Variants in NCOR2 observed in about 807,000 individuals in gnomAD.
The protein encoded by NCOR2 is nuclear receptor corepressor 2.
Under a neutral mutation model 262.9 loss-of-function variants are expected in NCOR2, and 81 were observed. That is an observed-to-expected ratio of 0.31 (90% CI 0.26 to 0.37). The LOEUF is 0.37. Among genes scored for constraint, NCOR2 ranks in the 10% least tolerant of loss-of-function variants. The pLI is 1.00. For synonymous variants in NCOR2, 1,659 were observed against 1,559.3 expected (o/e 1.06, Z -1.51); for missense variants, 3,385 against 3,621.4 (o/e 0.93, Z 1.68).
rs932680959 is a variant in NCOR2 at position 124,337,028 on chromosome 12, C to T, written c.5840G>A (p.Arg1947Gln). 19 of 1,503,344 alleles carry T rather than the reference C, an allele frequency of 1.3e-5. No homozygotes were observed. In the Admixed American group the frequency reaches 1.4e-4, roughly 11 times the overall value. 93.1% of individuals were successfully genotyped at this position (1,503,344 alleles called of 1,614,324 possible). A position where few individuals can be genotyped will look rare whatever the true frequency, so the allele number is the denominator to read the frequency against. The change falls in exon 38 of 47, where the codon CGG (arginine) becomes CAG (glutamine). Residue 1947 changes from arginine to glutamine, a missense_variant. Transcript: ENST00000405201. Reference sequence around the variant, plus strand: ...GGCATGGCCGGTGTCTGCTCGGGGCCGCTCTGGCCGGGCGACCCGGGGGGC... The same window carrying T: ...GGCATGGCCGGTGTCTGCTCGGGGCTGCTCTGGCCGGGCGACCCGGGGGGC...
At chr12:124,346,504 C>T in intron 31 of NCOR2, 60 bp downstream of exon 33, 1 of 1,429,030 alleles carries the variant, frequency 7.0e-7, no homozygotes, top group Non-Finnish European at 9.2e-7. Context: ...CAGGGCAGTG[C>T]CCCACAGCCA....
At chr12:124,348,246 C>T in exon 29 of NCOR2, 1 of 1,613,262 alleles carries the variant, frequency 6.2e-7, no homozygotes, top group Non-Finnish European at 8.5e-7. Flanking sequence ...TTGGGGGCGG[C>T]CGTCTCATGG....
chr12:124,390,525 C>T (rs1259958857), intron 16 of NCOR2, among the ~76,000 whole-genome samples: 2 of 147,120 alleles, frequency 1.4e-5, no homozygotes, highest in Admixed American at 1.4e-4. Flanking sequence ...ATCTTCATAG[C>T]TTTCACCGCC....
At chr12:124,337,433 A>G (rs1245222304) in intron 37 of NCOR2, 1 of 681,122 alleles carries the variant, frequency 1.5e-6, no homozygotes, top group Non-Finnish European at 2.7e-6. Flanking sequence ...ACTGTTCTAG[A>G]CACTGTGAAT....
chr12:124,486,512 C>A (rs761806573), exon 2 of NCOR2: 2 of 1,607,160 alleles, frequency 1.2e-6, no homozygotes, highest in Non-Finnish European at 1.7e-6. Context: ...TGGAGCCGGG[C>A]GACAGGTGGG....
rs1447920903 is a variant in NCOR2 at position 124,483,954 on chromosome 12, C to T, written c.234-181G>A. On this transcript the variant is annotated intron_variant, in intron 2 of 46. Transcript: ENST00000405201. The surrounding 1 kb of genome is among the most constrained non-coding windows in gnomAD (Gnocchi z 6.3). ...ACAGCAGGGCAGGACTCCAATGCAG[C>T]GCTGCCTTCCTTCAGGTCCACATTC... 6.6e-6 allele frequency among the ~76,000 whole-genome samples: 1 copy of T among 152,186 alleles called. No homozygotes were observed. The highest frequency in any genetic ancestry group is 2.4e-5 in the African/African-American group (1 of 41,442).
At chr12:124,335,446 C>T in intron 39 of NCOR2, 37 bp downstream of exon 41, 8 of 1,588,522 alleles carry the variant, frequency 5.0e-6, no homozygotes, top group Non-Finnish European at 6.8e-6. Context: ...CCTCACTGTG[C>T]AGGGCTTCGG....
intron 20 of NCOR2, among the ~76,000 whole-genome samples, chr12:124,366,861 A>G (rs748454813): frequency 2.0e-5 from 3 of 152,104 alleles, no homozygotes; most frequent in Non-Finnish European, 2.9e-5. Flanking sequence ...TATATGAATG[A>G]TATCTTAATA....
chr12:124,556,586 G>A (rs1420746840), intron 1 of NCOR2, among the ~76,000 whole-genome samples: 2 of 152,204 alleles, frequency 1.3e-5, no homozygotes, highest in African/African-American at 2.4e-5. Context: ...CAGGCCAGGC[G>A]TGGTGGCTCA....
Position 124,411,657 on chromosome 12 carries a change from C to T in NCOR2, c.1482+8300G>A, listed in dbSNP as rs2042593409. On this transcript the variant is annotated intron_variant, in intron 13 of 46. Coordinates refer to ENST00000405201, the Ensembl canonical transcript of NCOR2. Reference sequence around the variant, plus strand: ...TCCTGGGCTCTGGTTTTGCAATTCACTAGGATAACGCGGCCCTTCCATCAA... The same window carrying T: ...TCCTGGGCTCTGGTTTTGCAATTCATTAGGATAACGCGGCCCTTCCATCAA... 2.0e-5 allele frequency among the ~76,000 whole-genome samples: 3 copies of T among 152,270 alleles called. No homozygotes were observed. In the South Asian group the frequency reaches 6.2e-4, roughly 31 times the overall value.
chr12:124,457,713 C>T lies in NCOR2; in HGVS notation c.706-551G>A, dbSNP rs1457825469. Among the ~76,000 whole-genome samples, 2 of 152,236 alleles carry T rather than the reference C, an allele frequency of 1.3e-5. No individual in the cohort carries two copies. Among genetic ancestry groups the T allele is most frequent in the Non-Finnish European group, 2.9e-5 (2 of 68,048 alleles). On this transcript the variant is annotated intron_variant, in intron 5 of 46. Transcript: ENST00000405201. This position sits in a 1 kb window ranked among gnomAD's most constrained non-coding sequence, Gnocchi z 4.0. The stretch of plus-strand genomic sequence containing the variant: ...CCCCGGGGCCTCCCCGCCTCCTCCC[C>T]ACTCACAACTGGGGACTTATTAGGA...
rs915985712 is a variant in NCOR2, at chr12:124,531,605, G to A, written c.-118+3960C>T. On this transcript the variant is annotated intron_variant, in intron 1 of 46. Coordinates refer to the NCOR2 transcript ENST00000404621. The surrounding 1 kb of genome is among the most constrained non-coding windows in gnomAD (Gnocchi z 4.5). The stretch of plus-strand genomic sequence containing the variant: ...GCTGGGAAGGAGAGAGAGGAGGATG[G>A]CAGAGAGGGAAGGGTGGTGGCGCAG... 6.6e-6 allele frequency among the ~76,000 whole-genome samples: 1 copy of A among 151,914 alleles called. No individual in the cohort carries two copies. Among genetic ancestry groups the A allele is most frequent in the African/African-American group, 2.4e-5 (1 of 41,360 alleles).
At chr12:124,421,943 C>T (rs144804107) in intron 12 of NCOR2, among the ~76,000 whole-genome samples, 20 of 152,350 alleles carry the variant, frequency 1.3e-4, no homozygotes, top group African/African-American at 4.1e-4. Context: ...GGCTTTAGGC[C>T]TCAGGTCCAC....
intron 28 of NCOR2, chr12:124,348,652 T>A (rs969418216): frequency 2.7e-6 from 1 of 369,034 alleles, no homozygotes; most frequent in East Asian, 4.7e-5. Flanking sequence ...CACCCACGGG[T>A]GCCGACATGG....
rs200911408 is a variant in NCOR2 at position 124,400,734 on chromosome 12, TGGA to T, written c.1641-64_1641-62del. ...CCGAGCCGGGAAATCAAACAGCCAC[TGGA>T]GGAGACTGTTTCTTTAGCTGGATTT... On this transcript the variant is annotated intron_variant, in intron 14 of 46. Transcript: ENST00000405201. 4.6e-3 allele frequency: 7,362 copies of T among 1,583,302 alleles called. 94 individuals carry two copies. Among genetic ancestry groups the T allele is most frequent in the African/African-American group, 0.039 (2,856 of 73,982 alleles).
intron 1 of NCOR2, among the ~76,000 whole-genome samples, chr12:124,501,060 G>A (rs142410763): frequency 3.1e-4 from 15 of 48,760 alleles, no homozygotes; most frequent in African/African-American, 4.7e-4. Flanking sequence ...GCGCGCACGC[G>A]CGCACACACA....
intron 8 of NCOR2, among the ~76,000 whole-genome samples, chr12:124,435,956 C>T (rs1445199929): frequency 1.3e-5 from 2 of 152,252 alleles, no homozygotes; most frequent in Non-Finnish European, 2.9e-5. Flanking sequence ...GGACTAAATG[C>T]CCTAATGTAT....
chr12:124,392,454 G>A (rs1459453924), intron 16 of NCOR2, among the ~76,000 whole-genome samples: 4 of 152,098 alleles, frequency 2.6e-5, no homozygotes, highest in African/African-American at 4.8e-5. Flanking sequence ...CGCGAGCCCC[G>A]AGGCACCGCA....
At chr12:124,393,272 G>A (rs982312243) in intron 16 of NCOR2, among the ~76,000 whole-genome samples, 9 of 152,116 alleles carry the variant, frequency 5.9e-5, no homozygotes, top group African/African-American at 1.7e-4. Context: ...GAGGGCAGGC[G>A]GCCAGCTCCC....
Sources: allele counts gnomAD v4.1 joint callset (sites outside exome capture counted in the v4.1 genomes callset), GRCh38; gene constraint gnomAD v4.1.1; non-coding constraint Gnocchi (gnomAD v3.1); transcripts MANE v1.5; gene names NCBI Gene and HGNC (gene_info 2026-07-23, HGNC 2026-07-21).